The following PPM1L variants were observed in gnomAD, a reference collection of about 807,000 sequenced individuals.
PPM1L encodes the protein protein phosphatase 1L.
PPM1L carries 13 observed loss-of-function variants against 31.4 expected under a neutral mutation model. That is an observed-to-expected ratio of 0.41 (90% confidence interval 0.27 to 0.66). PPM1L has a LOEUF of 0.66. Ranked by LOEUF, PPM1L falls within the 30% of genes least tolerant of loss-of-function variation. The pLI is 0.29. For synonymous variants in PPM1L, 184 were observed against 175.4 expected (o/e 1.05, Z -0.39); for missense variants, 326 against 453.7 (o/e 0.72, Z 2.56).
chr3:160,962,583 A>T (rs1716003463), intron 2 of PPM1L, among the ~76,000 whole-genome samples: 1 of 150,360 alleles, frequency 6.7e-6, no homozygotes, highest in African/African-American at 2.4e-5. Context: ...ATACCTCTCC[A>T]CCTCCCCCTC....
chr3:160,890,525 T>G (rs902261672), intron 1 of PPM1L, among the ~76,000 whole-genome samples: 1 of 152,176 alleles, frequency 6.6e-6, no homozygotes, highest in African/African-American at 2.4e-5. Flanking sequence ...ATAGTAAGAA[T>G]CAATATTGTG....
chr3:160,814,536 T>C (rs1195397172), intron 1 of PPM1L, among the ~76,000 whole-genome samples: 1 of 120,572 alleles, frequency 8.3e-6, no homozygotes, highest in East Asian at 2.0e-4. Flanking sequence ...CATATGTATG[T>C]ATGTGTATAT....
intron 1 of PPM1L, among the ~76,000 whole-genome samples, chr3:160,767,532 G>A (rs896925642): frequency 1.3e-5 from 2 of 152,158 alleles, no homozygotes; most frequent in Non-Finnish European, 2.9e-5. Context: ...ACTGCACCCA[G>A]CCTGTGTGTC....
At chr3:160,882,522 G>A (rs563473748) in intron 1 of PPM1L, among the ~76,000 whole-genome samples, 16 of 152,218 alleles carry the variant, frequency 1.1e-4, no homozygotes, top group Admixed American at 4.6e-4. Context: ...AAAGATATTG[G>A]ATTAGTTTCC....
At chr3:160,992,434 A>G (rs1341945439) in intron 2 of PPM1L, among the ~76,000 whole-genome samples, 1 of 152,190 alleles carries the variant, frequency 6.6e-6, no homozygotes, top group African/African-American at 2.4e-5. Context: ...AAGACACTCT[A>G]TCCAACTAAC....
In PPM1L at chr3:160,966,824, C is replaced by CA. The variant is rs1347819544; in HGVS notation, c.574+4915dup. Among the ~76,000 whole-genome samples, 15 of 151,996 alleles carry CA rather than the reference C, an allele frequency of 9.9e-5. 1 individual carries two copies. In the Admixed American group the frequency reaches 9.9e-4, roughly 10 times the overall value. On this transcript the variant is annotated intron_variant, in intron 2 of 3. Coordinates refer to ENST00000498165, the MANE Select transcript of PPM1L (RefSeq NM_139245.4). ...TGCACTACACTCAAAGTCACATTAG[C>CA]ATTCACAGACTGTGAGTTCACATTG...
chr3:160,841,457 A>G (rs1047127650), intron 1 of PPM1L, among the ~76,000 whole-genome samples: 2 of 152,134 alleles, frequency 1.3e-5, no homozygotes, highest in African/African-American at 2.4e-5. Context: ...ATTTCTTAAT[A>G]TGAAATGGTG....
intron 1 of PPM1L, among the ~76,000 whole-genome samples, chr3:160,836,585 C>T (rs1304175196): frequency 3.3e-5 from 5 of 152,222 alleles, no homozygotes; most frequent in Non-Finnish European, 7.3e-5. Context: ...CCTAAAGTTA[C>T]GTGATTTACT....
chr3:161,042,814 T>A (rs964149612), intron 2 of PPM1L, among the ~76,000 whole-genome samples: 12 of 151,046 alleles, frequency 7.9e-5, no homozygotes, highest in Admixed American at 1.3e-4. Context: ...AGGTCAGGAG[T>A]TCGAGACAAG....
chr3:160,852,591 C>T (rs191591731), intron 1 of PPM1L, among the ~76,000 whole-genome samples: 366 of 152,276 alleles, frequency 2.4e-3, no homozygotes, highest in African/African-American at 8.6e-3. Context: ...AAAAGTCAGA[C>T]TCTTATGCTT....
At chr3:161,021,766 T>C (rs1718240209) in intron 2 of PPM1L, among the ~76,000 whole-genome samples, 1 of 152,060 alleles carries the variant, frequency 6.6e-6, no homozygotes, top group Non-Finnish European at 1.5e-5. Context: ...TTTTAAAATA[T>C]CCTTTTTTGT....
chr3:160,824,364 C>T (rs999135411), intron 1 of PPM1L, among the ~76,000 whole-genome samples: 1 of 152,156 alleles, frequency 6.6e-6, no homozygotes, highest in Non-Finnish European at 1.5e-5. Context: ...AGCTACCTGC[C>T]TATGGTACTT....
chr3:160,973,732 T>C (rs1045623280), intron 2 of PPM1L, among the ~76,000 whole-genome samples: 1 of 144,212 alleles, frequency 6.9e-6, no homozygotes, highest in Non-Finnish European at 1.5e-5. Flanking sequence ...ACTTTAAGAA[T>C]TCATCTGGTA....
chr3:160,909,476 C>T (rs954247703), intron 1 of PPM1L, among the ~76,000 whole-genome samples: 1 of 152,164 alleles, frequency 6.6e-6, no homozygotes, highest in Non-Finnish European at 1.5e-5. Context: ...TAGCACTGGT[C>T]TAATGTAGAT....
At chr3:160,995,584 G>C (rs571908207) in intron 2 of PPM1L, among the ~76,000 whole-genome samples, 1 of 152,172 alleles carries the variant, frequency 6.6e-6, no homozygotes, top group African/African-American at 2.4e-5. Context: ...ACCTCCCCAA[G>C]TGCTGGGATT....
intron 2 of PPM1L, among the ~76,000 whole-genome samples, chr3:161,046,315 A>G (rs1315789254): frequency 2.0e-5 from 3 of 152,132 alleles, no homozygotes; most frequent in Admixed American, 2.0e-4. Context: ...AAACACCTCT[A>G]TGCAAATAAA....
At chr3:160,770,845 TTGCCC>T (rs1715233186) in intron 1 of PPM1L, among the ~76,000 whole-genome samples, 1 of 152,180 alleles carries the variant, frequency 6.6e-6, no homozygotes, top group Non-Finnish European at 1.5e-5. Context: ...CATAAGATCC[TTGCCC>T]TAGTTTCTAC....
At chr3:160,925,668 G>A (rs908764722) in intron 1 of PPM1L, among the ~76,000 whole-genome samples, 4 of 152,122 alleles carry the variant, frequency 2.6e-5, no homozygotes, top group Middle Eastern at 3.4e-3. Context: ...AATACCTTAT[G>A]GTTTAATTAT....
chr3:160,878,521 A>G (rs1712594146), intron 1 of PPM1L, among the ~76,000 whole-genome samples: 2 of 152,172 alleles, frequency 1.3e-5, no homozygotes, highest in Admixed American at 1.3e-4. Flanking sequence ...GTCTTCTTAT[A>G]AGGGCACTAA....
Sources: gnomAD v4.1 joint callset for allele counts (sites outside exome capture counted in the v4.1 genomes callset) on GRCh38, gnomAD v4.1.1 for gene constraint, MANE v1.5 for transcripts, NCBI Gene and HGNC (gene_info 2026-07-23, HGNC 2026-07-21) for gene names.